The following RBPMS variants were observed in gnomAD, a reference collection of about 807,000 sequenced individuals.
RBPMS encodes RNA binding protein, mRNA processing factor.
Under a neutral mutation model 26.8 loss-of-function variants are expected in RBPMS, and 7 were observed. The ratio of observed to expected loss-of-function variants is 0.26; its 90% CI spans 0.15 to 0.49. RBPMS has a LOEUF of 0.49. Among genes scored for constraint, RBPMS ranks in the 20% least tolerant of loss-of-function variants. The pLI is 0.98. For synonymous variants in RBPMS, 96 were observed against 93.3 expected, an observed-to-expected ratio of 1.03 and a Z score of -0.17; for missense variants, 186 against 250.0, an observed-to-expected ratio of 0.74 and a Z score of 1.73.
intron 2 of RBPMS, among the ~76,000 whole-genome samples, chr8:30,476,785 A>G (rs192385369): frequency 1.5e-4 from 23 of 152,266 alleles, no homozygotes; most frequent in Non-Finnish European, 2.1e-4. Flanking sequence ...CCAGCTATTG[A>G]TTATTTTCAG....
chr8:30,499,870 CTGTGTGTG>C (rs10543546), intron 4 of RBPMS, among the ~76,000 whole-genome samples: 30,634 of 149,954 alleles, frequency 0.2, 3,437 homozygotes, highest in Middle Eastern at 0.33. Context: ...TCAGGGGAAA[CTGTGTGTG>C]TGTGTGTGTG....
chr8:30,498,363 A>G (rs1820201500), intron 4 of RBPMS, among the ~76,000 whole-genome samples: 1 of 152,206 alleles, frequency 6.6e-6, no homozygotes, highest in Non-Finnish European at 1.5e-5. Context: ...TATAATATAT[A>G]TTCATAAGTG....
chr8:30,411,420 A>C (rs1809378193), intron 1 of RBPMS, among the ~76,000 whole-genome samples: 1 of 150,276 alleles, frequency 6.7e-6, no homozygotes, highest in Non-Finnish European at 1.5e-5. Context: ...ATCCCAGCAC[A>C]TTGGGAGGTG....
intron 5 of RBPMS, among the ~76,000 whole-genome samples, chr8:30,514,836 AT>A (rs1204819728): frequency 1.3e-5 from 2 of 151,812 alleles, no homozygotes; most frequent in South Asian, 2.1e-4. Flanking sequence ...ATATTAATGA[AT>A]TTTTAAATTG....
intron 1 of RBPMS, among the ~76,000 whole-genome samples, chr8:30,440,015 A>G (rs1049121509): frequency 3.3e-5 from 5 of 152,218 alleles, no homozygotes; most frequent in East Asian, 1.9e-4. Context: ...CGTCTCTACA[A>G]TCAATCAGTC....
chr8:30,416,674 C>T (rs564219506), intron 1 of RBPMS, among the ~76,000 whole-genome samples: 1 of 152,164 alleles, frequency 6.6e-6, no homozygotes, highest in Non-Finnish European at 1.5e-5. Context: ...GGGGTTTCAC[C>T]GTGTTAGCCA....
chr8:30,448,286 A>G (rs950869492), intron 1 of RBPMS, among the ~76,000 whole-genome samples: 1 of 152,236 alleles, frequency 6.6e-6, no homozygotes, highest in Non-Finnish European at 1.5e-5. Flanking sequence ...AACATTAAGC[A>G]TGTGTGAGGT....
At chr8:30,479,483 C>T in intron 4 of RBPMS, 106 bp downstream of exon 4, 1 of 824,016 alleles carries the variant, frequency 1.2e-6, no homozygotes, top group Non-Finnish European at 2.0e-6. Flanking sequence ...ACTGCACAGT[C>T]TAAGAGGGAG....
At chr8:30,532,460 C>T (rs548585359) in intron 5 of RBPMS, among the ~76,000 whole-genome samples, 10 of 152,096 alleles carry the variant, frequency 6.6e-5, no homozygotes, top group African/African-American at 1.4e-4. Flanking sequence ...ATGTCAAATT[C>T]GCATTCAGTT....
At chr8:30,535,796 C>G (rs546438524) in intron 5 of RBPMS, among the ~76,000 whole-genome samples, 17 of 152,242 alleles carry the variant, frequency 1.1e-4, no homozygotes, top group African/African-American at 3.9e-4. Context: ...ATTATACATT[C>G]AAACAGCACA....
intron 5 of RBPMS, among the ~76,000 whole-genome samples, chr8:30,516,992 T>A (rs959008201): frequency 6.6e-6 from 1 of 152,088 alleles, no homozygotes; most frequent in African/African-American, 2.4e-5. Context: ...CTGTATGTTT[T>A]AAAAATTGAA....
rs188741751 is a variant in RBPMS, at chr8:30,534,550, G to C, written c.398-9944G>C. Among the ~76,000 whole-genome samples the C allele has an allele frequency of 6.9e-3, 1,050 of 152,322 alleles. 8 individuals are homozygous for C. Among genetic ancestry groups the C allele is most frequent in the African/African-American group, 0.022 (924 of 41,566 alleles). On this transcript the variant is annotated intron_variant, in intron 5 of 8. Coordinates refer to ENST00000397323, the MANE Select transcript of RBPMS (RefSeq NM_001008710.3). ...AGCATAGATGGGGAACCAGAAGAAC[G>C]GGGGTGGTGGAGTTGCTGAGTTCCT... is the stretch of plus-strand genomic sequence containing the variant.
intron 4 of RBPMS, among the ~76,000 whole-genome samples, chr8:30,488,370 T>C (rs1411062476): frequency 6.6e-6 from 1 of 152,188 alleles, no homozygotes; most frequent in Non-Finnish European, 1.5e-5. Flanking sequence ...TCACAGAATT[T>C]AGGTATTCAC....
intron 4 of RBPMS, among the ~76,000 whole-genome samples, chr8:30,486,339 C>CAAAT (rs201551478): frequency 2.1e-4 from 30 of 144,966 alleles, no homozygotes; most frequent in Middle Eastern, 3.6e-3. Flanking sequence ...GACTCCATCT[C>CAAAT]AAATAAATAA....
chr8:30,530,422 C>T lies in RBPMS; in HGVS notation c.398-14072C>T, dbSNP rs1824084994. Among the ~76,000 whole-genome samples, 3 of 152,182 alleles carry T rather than the reference C, an allele frequency of 2.0e-5. No homozygotes were observed. In the South Asian group the frequency reaches 6.2e-4, roughly 32 times the overall value. On this transcript the variant is annotated intron_variant, in intron 5 of 8. Coordinates refer to ENST00000397323, the MANE Select transcript of RBPMS (RefSeq NM_001008710.3). ...CCACTATCCAGACAGGTAATCACAA[C>T]AACACGGTTGAATATGTGTTCTGTC...
chr8:30,462,812 C>T (rs1394059488), intron 1 of RBPMS, among the ~76,000 whole-genome samples: 1 of 152,030 alleles, frequency 6.6e-6, no homozygotes, highest in Admixed American at 6.6e-5. Context: ...CAAAAGTTGA[C>T]TGAGATCTAA....
intron 6 of RBPMS, 173 bp from the exon 7 acceptor site, chr8:30,558,714 C>G (rs1172461787): frequency 4.4e-6 from 3 of 686,194 alleles, no homozygotes; most frequent in Non-Finnish European, 8.0e-6. Context: ...TGGAACGCCT[C>G]TCAGGACACC....
At chr8:30,557,918 G>A (rs375211575) in intron 6 of RBPMS, among the ~76,000 whole-genome samples, 2 of 152,206 alleles carry the variant, frequency 1.3e-5, no homozygotes, top group Admixed American at 6.5e-5. Flanking sequence ...AGAATGGAGT[G>A]CAGTGGCACA....
chr8:30,483,728 G>A (rs1479911612), intron 4 of RBPMS, among the ~76,000 whole-genome samples: 1 of 151,914 alleles, frequency 6.6e-6, no homozygotes, highest in African/African-American at 2.4e-5. Flanking sequence ...AACCCAAGCA[G>A]AAACTCTGTA....
Sources: allele counts gnomAD v4.1 joint callset (sites outside exome capture counted in the v4.1 genomes callset), GRCh38; gene constraint gnomAD v4.1.1; transcripts MANE v1.5; gene names NCBI Gene and HGNC (gene_info 2026-07-23, HGNC 2026-07-21).